Variants in NFX1 observed in about 807,000 individuals in gnomAD.
The protein encoded by NFX1 is transcriptional repressor NF-X1.
In NFX1, 69 loss-of-function variants were observed where a neutral mutation model predicts 137.2. That is an observed-to-expected ratio of 0.50 (90% confidence interval 0.41 to 0.61). NFX1 has a LOEUF of 0.61. NFX1 is among the 20% of genes least tolerant of loss of function. The pLI is 0.00. For missense variants in NFX1, 1,167 were observed against 1,391.0 expected (o/e 0.84, Z 2.56); for synonymous variants, 495 against 474.1 (o/e 1.04, Z -0.57).
chr9:33,354,472 G>A (rs892422269), intron 18 of NFX1, among the ~76,000 whole-genome samples: 1 of 152,208 alleles, frequency 6.6e-6, no homozygotes, highest in Non-Finnish European at 1.5e-5. Flanking sequence ...CAGAGAGGTG[G>A]CCATCTCTGG....
intron 11 of NFX1, 27 bp downstream of exon 11, chr9:33,332,529 A>T (rs1173288188): frequency 6.6e-7 from 1 of 1,523,678 alleles, no homozygotes; most frequent in African/African-American, 1.4e-5. Flanking sequence ...GCATGAGGGA[A>T]TTTCTGGGGT....
rs1824210574 is a variant in NFX1, at chr9:33,367,681, A to C, written c.3290+62A>C. The stretch of plus-strand genomic sequence containing the variant: ...TGTCCAGAAAAGCTAGCAGGGGCTG[A>C]ATTGTCCTGAGCTGCACCAGCCATT... On this transcript the variant is annotated intron_variant, in intron 23 of 23. Coordinates refer to ENST00000379540, the MANE Select transcript of NFX1 (RefSeq NM_002504.6). 9.9e-6 allele frequency: 15 copies of C among 1,521,654 alleles called. No individual in the cohort carries two copies. In the South Asian group the frequency reaches 1.6e-4, roughly 16 times the overall value. The allele number at this position is 1,521,654 out of a possible 1,614,324, so 94.3% of individuals were successfully genotyped here.
intron 9 of NFX1, among the ~76,000 whole-genome samples, chr9:33,323,493 G>A (rs1288108008): frequency 1.3e-5 from 2 of 152,140 alleles, no homozygotes; most frequent in Admixed American, 6.6e-5. Context: ...GGTGGCTCAC[G>A]CCTGTAATCC....
chr9:33,364,792 C>T lies in NFX1; in HGVS notation c.3039+18C>T. 1 of 1,613,372 alleles carries T rather than the reference C, an allele frequency of 6.2e-7. No homozygotes were observed. The highest frequency in any genetic ancestry group is 1.1e-5 in the South Asian group (1 of 90,930). ...TGAATAAGGTTGAAGTCGAAACATC[C>T]CACTGGACATTTCTCTAAGGCCAGC... On this transcript the variant is annotated intron_variant, in intron 21 of 23. Coordinates refer to ENST00000379540, the MANE Select transcript of NFX1 (RefSeq NM_002504.6).
chr9:33,295,732 G>T (rs1484065022), intron 2 of NFX1, among the ~76,000 whole-genome samples: 1 of 150,056 alleles, frequency 6.7e-6, no homozygotes, highest in Non-Finnish European at 1.5e-5. Context: ...CTGGTTACAA[G>T]ATTTTTTTTG....
chr9:33,294,448 T>C lies in NFX1; in HGVS notation c.54T>C (p.Ala18=). 1 of 1,593,532 alleles carries C rather than the reference T, an allele frequency of 6.3e-7. No homozygotes were observed. The highest frequency in any genetic ancestry group is 8.5e-7 in the Non-Finnish European group (1 of 1,172,040). ...CTTTTAAATTCAATACAGATGCTGC[T>C]GAATTCATTCCTCAGGAGAAAAAAA... ...SGTFKFNTDA[A]EFIPQEKKNS... The change falls in exon 2 of 24, where the codon GCT becomes GCC. Residue 18 remains alanine (A), a synonymous_variant. Coordinates refer to ENST00000379540, the MANE Select transcript of NFX1 (RefSeq NM_002504.6).
chr9:33,318,000 A>AAG (rs1188572857), intron 7 of NFX1, among the ~76,000 whole-genome samples: 2 of 150,696 alleles, frequency 1.3e-5, no homozygotes, highest in African/African-American at 4.9e-5. Flanking sequence ...AAAAAAAAAA[A>AAG]ATCTTCATTA....
At chr9:33,319,382 T>C (rs1200367874) in intron 9 of NFX1, among the ~76,000 whole-genome samples, 1 of 152,174 alleles carries the variant, frequency 6.6e-6, no homozygotes, top group African/African-American at 2.4e-5. Flanking sequence ...TACTGTTCCA[T>C]AGGGGTTATG....
rs1824098412 is a variant in NFX1, at chr9:33,364,113, G to A, written c.2972+5G>A. On this transcript the variant is annotated splice_donor_5th_base_variant and intron_variant, in intron 20 of 23. Transcript: ENST00000379540. ...TAGTTTGAAAGAAGATGCCAGGTAT[G>A]TAACTTGTTACCTGCTTTCTTAATT... 5 of 1,593,562 alleles carry A rather than the reference G, an allele frequency of 3.1e-6. No homozygotes were observed. Among genetic ancestry groups the A allele is most frequent in the African/African-American group, 1.4e-5 (1 of 74,012 alleles).
At position 33,317,419 on chromosome 9, in the gene NFX1, C is replaced by CAAAAAA. The variant is rs761378780; in HGVS notation, c.1589-1301_1589-1296dup. On this transcript the variant is annotated intron_variant, in intron 7 of 23. Coordinates refer to ENST00000379540, the MANE Select transcript of NFX1 (RefSeq NM_002504.6). ...GGGTGACAAAGTGAGGCCCTGTCTC[C>CAAAAAA]AAAAAAAAAAAAAAAAGAAAGAAAG... is the stretch of plus-strand genomic sequence containing the variant. Among the ~76,000 whole-genome samples, 235 of 54,134 alleles carry CAAAAAA rather than the reference C, an allele frequency of 4.3e-3. 6 individuals carry two copies. The highest frequency in any genetic ancestry group is 0.014 in the African/African-American group (210 of 15,040). 35.5% of individuals were successfully genotyped at this position (54,134 alleles called of 152,430 possible).
chr9:33,300,533 C>G (rs894222365), intron 2 of NFX1, among the ~76,000 whole-genome samples: 5 of 152,176 alleles, frequency 3.3e-5, no homozygotes, highest in African/African-American at 1.2e-4. Context: ...TATACACACA[C>G]TCACACTCAG....
intron 1 of NFX1, among the ~76,000 whole-genome samples, chr9:33,292,513 C>T (rs1047886102): frequency 1.4e-4 from 21 of 152,242 alleles, no homozygotes; most frequent in Non-Finnish European, 1.5e-4. Context: ...GTATTCTAGC[C>T]GTGGTGACTA....
rs1226584890 is a variant in NFX1, at chr9:33,342,760, G to T, written c.2130G>T (p.Lys710Asn). Residue 710 changes from lysine to asparagine, a missense_variant, in exon 13 of 24, where the codon AAG (lysine) becomes AAT (asparagine). Coordinates refer to ENST00000379540, the MANE Select transcript of NFX1 (RefSeq NM_002504.6). ...NEICCVDKEH[K>N]CPLICGRKLR... Reference sequence around the variant, plus strand: ...TCTTTTCCCAGGATAAGGAGCACAAGTGTCCTTTGATTTGTGGGAGGAAAC... The same window carrying T: ...TCTTTTCCCAGGATAAGGAGCACAATTGTCCTTTGATTTGTGGGAGGAAAC... The T allele has an allele frequency of 1.9e-6, 3 of 1,612,564 alleles. No homozygotes were observed. Among genetic ancestry groups the T allele is most frequent in the East Asian group, 2.2e-5 (1 of 44,864 alleles).
chr9:33,311,034 C>T (rs1370698971), intron 5 of NFX1, 72 bp from the exon 6 acceptor site: 3 of 1,401,754 alleles, frequency 2.1e-6, no homozygotes, highest in Admixed American at 1.7e-5. Context: ...CACAATAAGA[C>T]CCAGCTGGGA....
chr9:33,321,606 T>C lies in NFX1; in HGVS notation c.1906+2479T>C, dbSNP rs527923622. 2.6e-5 allele frequency among the ~76,000 whole-genome samples: 4 copies of C among 152,312 alleles called. No individual in the cohort carries two copies. The South Asian group carries it at 8.3e-4, about 32-fold the overall frequency. On this transcript the variant is annotated intron_variant, in intron 9 of 23. Coordinates refer to ENST00000379540, the MANE Select transcript of NFX1 (RefSeq NM_002504.6). Reference sequence around the variant, plus strand: ...AAGCAACCATCAAGGCTGGGCATGGTGGCTCATACCTATAATCTCAGCACT... The same window carrying C: ...AAGCAACCATCAAGGCTGGGCATGGCGGCTCATACCTATAATCTCAGCACT...
chr9:33,336,238 T>C (rs539156873), intron 11 of NFX1, among the ~76,000 whole-genome samples: 1 of 152,154 alleles, frequency 6.6e-6, no homozygotes, highest in South Asian at 2.1e-4. Context: ...TTTTTTGAGA[T>C]GGAGTCCCAC....
At chr9:33,343,264 C>A (rs1823294284) in intron 13 of NFX1, among the ~76,000 whole-genome samples, 1 of 151,914 alleles carries the variant, frequency 6.6e-6, no homozygotes, top group South Asian at 2.1e-4. Flanking sequence ...TCTTTATCTA[C>A]CATATTAGAA....
chr9:33,292,524 G>T (rs1409966214), intron 1 of NFX1, among the ~76,000 whole-genome samples: 1 of 152,198 alleles, frequency 6.6e-6, no homozygotes, highest in Non-Finnish European at 1.5e-5. Context: ...GTGGTGACTA[G>T]ACATCCTGTT....
At chr9:33,341,947 C>G (rs1823237465) in intron 12 of NFX1, among the ~76,000 whole-genome samples, 1 of 151,598 alleles carries the variant, frequency 6.6e-6, no homozygotes, top group Non-Finnish European at 1.5e-5. Flanking sequence ...TGAACCCTGT[C>G]TCTACTAGAA....
Sources: allele counts gnomAD v4.1 joint callset (sites outside exome capture counted in the v4.1 genomes callset), GRCh38; gene constraint gnomAD v4.1.1; transcripts MANE v1.5; gene names NCBI Gene and HGNC (gene_info 2026-07-23, HGNC 2026-07-21).